The following GPR35 variants were observed in gnomAD, a reference collection of about 807,000 sequenced individuals.
GPR35 encodes KYNA receptor.
For synonymous variants in GPR35, 207 were observed against 198.4 expected, an observed-to-expected ratio of 1.04 and a Z score of -0.36; for missense variants, 372 against 422.5, an observed-to-expected ratio of 0.88 and a Z score of 1.05.
chr2:240,621,504 C>T (rs906478335), upstream of GPR35, among the ~76,000 whole-genome samples: 7 of 152,176 alleles, frequency 4.6e-5, no homozygotes, highest in African/African-American at 1.2e-4. Flanking sequence ...CCCCCTGCCT[C>T]GGCCTCTCAA....
upstream of GPR35, among the ~76,000 whole-genome samples, chr2:240,624,409 C>T (rs1465542138): frequency 6.6e-6 from 1 of 152,126 alleles, no homozygotes; most frequent in African/African-American, 2.4e-5. Context: ...AAGAAAGGGA[C>T]AGGAACCAGG....
chr2:240,624,058 A>G (rs1390193812), upstream of GPR35, among the ~76,000 whole-genome samples: 1 of 151,900 alleles, frequency 6.6e-6, no homozygotes, highest in Non-Finnish European at 1.5e-5. Context: ...TGGGCTGGGT[A>G]GGCCTGCTTG....
chr2:240,620,146 C>T (rs2043277442), intron 5 of GPR35, among the ~76,000 whole-genome samples: 1 of 152,156 alleles, frequency 6.6e-6, no homozygotes. Flanking sequence ...ACCCCGAGGC[C>T]AGGTGGGGAC....
At chr2:240,607,266 T>A (rs1453682447) in intron 2 of GPR35, 1 of 151,994 alleles carries the variant, frequency 6.6e-6, no homozygotes. Flanking sequence ...CACTGCAGCC[T>A]CAACCTCCTG....
Position 240,625,502 on chromosome 2 carries a change from C to G in GPR35, c.-71C>G. ...TTCACTTCCCCCAGCCCTTCTCAGACAGCCACTGTGCAGGCTTTGGCAGCG... is the reference window on the plus strand; with the variant it reads ...TTCACTTCCCCCAGCCCTTCTCAGAGAGCCACTGTGCAGGCTTTGGCAGCG... On this transcript the variant is annotated 5_prime_UTR_variant, in exon 1 of 2. Coordinates refer to ENST00000407714, the MANE Select transcript of GPR35 (RefSeq NM_005301.5). The G allele has an allele frequency of 1.0e-6, 1 of 986,002 alleles. No homozygotes were observed. The highest frequency in any genetic ancestry group is 1.2e-6 in the Non-Finnish European group (1 of 830,360). The allele number at this position is 986,002 out of a possible 1,614,324, so 61.1% of individuals were successfully genotyped here. A position where few individuals can be genotyped will look rare whatever the true frequency, so the allele number is the denominator to read the frequency against.
chr2:240,610,312 A>G (rs1002391790), intron 2 of GPR35, among the ~76,000 whole-genome samples: 1 of 152,120 alleles, frequency 6.6e-6, no homozygotes, highest in African/African-American at 2.4e-5. Context: ...GTCTACTTTG[A>G]TGTTAATATT....
At chr2:240,619,438 A>G (rs2043269809) in intron 5 of GPR35, among the ~76,000 whole-genome samples, 1 of 152,214 alleles carries the variant, frequency 6.6e-6, no homozygotes, top group Non-Finnish European at 1.5e-5. Flanking sequence ...GTCCCAGGAT[A>G]GGGCAAAAGA....
At chr2:240,608,537 C>T (rs371476661) in intron 2 of GPR35, among the ~76,000 whole-genome samples, 63 of 152,118 alleles carry the variant, frequency 4.1e-4, no homozygotes, top group African/African-American at 1.5e-3. Flanking sequence ...TACATTTTAC[C>T]ATTTATTCTA....
chr2:240,631,002 T>G lies in GPR35; in HGVS notation c.*120T>G. On this transcript the variant is annotated 3_prime_UTR_variant, in exon 2 of 2. Transcript: ENST00000407714. ...TCAGCCCTGAACTCACTGTGTATTC[T>G]CTTGGAGCCTTGGGTGGGCAGGGAC... 1 of 825,732 alleles carries G rather than the reference T, an allele frequency of 1.2e-6. No individual in the cohort carries two copies. Among genetic ancestry groups the G allele is most frequent in the Admixed American group, 2.5e-5 (1 of 39,240 alleles). The allele number at this position is 825,732 out of a possible 1,614,324, so 51.2% of individuals were successfully genotyped here.
chr2:240,611,229 A>G (rs2043180376), intron 2 of GPR35, among the ~76,000 whole-genome samples: 1 of 152,030 alleles, frequency 6.6e-6, no homozygotes, highest in South Asian at 2.1e-4. Context: ...CGGCCTCACA[A>G]AGTTCTGGGG....
intron 1 of GPR35, among the ~76,000 whole-genome samples, chr2:240,625,916 T>G (rs77596198): frequency 1.2e-5 from 1 of 83,800 alleles, no homozygotes. Context: ...GAGGCTCTGA[T>G]GGGGTCTCAG....
upstream of GPR35, among the ~76,000 whole-genome samples, chr2:240,623,359 CGTG>C (rs1444601251): frequency 1.6e-4 from 22 of 134,298 alleles, no homozygotes; most frequent in African/African-American, 2.7e-4. Flanking sequence ...GCAAACAGGT[CGTG>C]AGGGCGCAAA....
At chr2:240,609,700 C>T (rs1203097432) in intron 2 of GPR35, among the ~76,000 whole-genome samples, 1 of 152,182 alleles carries the variant, frequency 6.6e-6, no homozygotes, top group African/African-American at 2.4e-5. Context: ...TGTTGTTGGG[C>T]ATAGTGTTCT....
In GPR35 at chr2:240,625,583, C is replaced by T; in HGVS notation, c.-5+15C>T. ...GCTGCCTGCAGGTCAGTGCCGCCCA[C>T]TGCCCTAGGGGCCTCCCAGCGGGGC... is the stretch of plus-strand genomic sequence containing the variant. On this transcript the variant is annotated intron_variant, in intron 1 of 1. Coordinates refer to ENST00000407714, the MANE Select transcript of GPR35 (RefSeq NM_005301.5). 1 of 980,726 alleles carries T rather than the reference C, an allele frequency of 1.0e-6. No homozygotes were observed. Among genetic ancestry groups the T allele is most frequent in the Non-Finnish European group, 1.2e-6 (1 of 826,978 alleles). The allele number at this position is 980,726 out of a possible 1,614,324, so 60.8% of individuals were successfully genotyped here.
upstream of GPR35, among the ~76,000 whole-genome samples, chr2:240,623,101 C>G (rs1157129564): frequency 5.3e-5 from 8 of 152,216 alleles, no homozygotes; most frequent in Non-Finnish European, 8.8e-5. Flanking sequence ...CCTGATATGT[C>G]CCCGGCACTC....
upstream of GPR35, chr2:240,625,318 C>T: frequency 1.0e-6 from 1 of 985,586 alleles, no homozygotes; most frequent in South Asian, 4.7e-5. Flanking sequence ...CACCCCACTT[C>T]CCTCCCAGAA....
intron 1 of GPR35, among the ~76,000 whole-genome samples, 171 bp downstream of exon 1, chr2:240,625,739 A>ATGG (rs2043363446): frequency 9.9e-6 from 1 of 100,688 alleles, no homozygotes; most frequent in African/African-American, 3.9e-5. Context: ...AGGCTGTGAC[A>ATGG]GGGTCTCAGA....
At chr2:240,621,649 T>G (rs2043295831), upstream of GPR35, among the ~76,000 whole-genome samples, 1 of 152,062 alleles carries the variant, frequency 6.6e-6, no homozygotes, top group Admixed American at 6.5e-5. Flanking sequence ...GGAGTCTCGA[T>G]TCAGACCTCA....
intron 4 of GPR35, among the ~76,000 whole-genome samples, chr2:240,617,903 C>T (rs545881855): frequency 1.3e-5 from 2 of 152,222 alleles, no homozygotes; most frequent in South Asian, 4.1e-4. Flanking sequence ...TCCAGAATTA[C>T]ATTAGACATT....
Sources: allele counts gnomAD v4.1 joint callset (sites outside exome capture counted in the v4.1 genomes callset), GRCh38; gene constraint gnomAD v4.1.1; transcripts MANE v1.5; gene names NCBI Gene and HGNC (gene_info 2026-07-23, HGNC 2026-07-21).